CCNY: variants seen among roughly 807,000 people sequenced by gnomAD.
The protein encoded by CCNY is cyclin-Y.
A neutral mutation model predicts 42.8 loss-of-function variants in CCNY; 19 were observed. The ratio of observed to expected loss-of-function variants is 0.44; its 90% confidence interval spans 0.31 to 0.65. The LOEUF is 0.65. Among genes scored for constraint, CCNY ranks in the 30% least tolerant of loss-of-function variants. The pLI is 0.07. For missense variants in CCNY, 370 were observed against 437.3 expected (o/e 0.85, Z 1.37); for synonymous variants, 165 against 162.7 (o/e 1.01, Z -0.11).
At chr10:35,329,885 C>T (rs868364808) in intron 3 of CCNY, among the ~76,000 whole-genome samples, 4 of 152,128 alleles carry the variant, frequency 2.6e-5, no homozygotes, top group Admixed American at 6.6e-5. Context: ...GGGACAGGAC[C>T]GCCTGCTTCA....
intron 1 of CCNY, among the ~76,000 whole-genome samples, chr10:35,384,754 G>A (rs1837267399): frequency 6.6e-6 from 1 of 152,134 alleles, no homozygotes; most frequent in Non-Finnish European, 1.5e-5. Context: ...CAGGGACAAG[G>A]TGCCCCTGGG....
chr10:35,566,852 T>G (rs1841581909), intron 9 of CCNY, among the ~76,000 whole-genome samples: 1 of 151,558 alleles, frequency 6.6e-6, no homozygotes, highest in South Asian at 2.1e-4. Flanking sequence ...ACTACAGGTG[T>G]GCACCACCAC....
chr10:35,426,611 T>C (rs941697038), intron 1 of CCNY, among the ~76,000 whole-genome samples: 6 of 152,238 alleles, frequency 3.9e-5, no homozygotes, highest in Non-Finnish European at 8.8e-5. Flanking sequence ...TAGAATGTTA[T>C]TAAAATTGCT....
At chr10:35,386,157 A>G (rs1245136834) in intron 1 of CCNY, among the ~76,000 whole-genome samples, 1 of 152,222 alleles carries the variant, frequency 6.6e-6, no homozygotes, top group Non-Finnish European at 1.5e-5. Flanking sequence ...GGGGATGCTT[A>G]ACTTGGGGCC....
At chr10:35,385,802 G>A (rs1837289154) in intron 1 of CCNY, among the ~76,000 whole-genome samples, 1 of 152,150 alleles carries the variant, frequency 6.6e-6, no homozygotes, top group Non-Finnish European at 1.5e-5. Context: ...CCTCTTCCAC[G>A]AATGAGATAT....
chr10:35,477,229 T>TC lies in CCNY; in HGVS notation c.155-6173dup, dbSNP rs571257810. Among the ~76,000 whole-genome samples, 443 of 152,316 alleles carry TC rather than the reference T, an allele frequency of 2.9e-3. 2 individuals carry two copies. The highest frequency in any genetic ancestry group is 4.7e-3 in the Admixed American group (72 of 15,304). On this transcript the variant is annotated intron_variant, in intron 1 of 9. Transcript: ENST00000374704. Reference sequence around the variant, plus strand: ...AGGTACAAAGAGGAACTGGTACCTTTCCTTCTGAAACGATTCCAATCAATA... The same window carrying TC: ...AGGTACAAAGAGGAACTGGTACCTTTCCCTTCTGAAACGATTCCAATCAATA...
intron 3 of CCNY, among the ~76,000 whole-genome samples, chr10:35,503,393 C>T (rs995700125): frequency 1.2e-4 from 18 of 152,140 alleles, no homozygotes; most frequent in Admixed American, 4.6e-4. Flanking sequence ...TAACAAGCAG[C>T]GTGACCCTCT....
rs1463187998 is a variant in CCNY at position 35,530,237 on chromosome 10, C to T, written c.573C>T (p.Val191=). 6.2e-7 allele frequency: 1 copy of T among 1,614,198 alleles called. No individual in the cohort carries two copies. Among genetic ancestry groups the T allele is most frequent in the Non-Finnish European group, 8.5e-7 (1 of 1,180,024 alleles). ...AAQLTAECAI[V]TLVYLERLLT... is the part of the protein sequence containing the mutation. ...AGCTGACGGCTGAATGTGCCATCGT[C>T]ACCCTGGTGAGTGCCCTCAGGATGG... The change falls in exon 7 of 10, where the codon GTC becomes GTT. Residue 191 remains valine (V), a synonymous_variant. Transcript: ENST00000374704. This position sits in a 1 kb window ranked among gnomAD's most constrained non-coding sequence, Gnocchi z 4.3.
intron 3 of CCNY, among the ~76,000 whole-genome samples, chr10:35,277,822 T>C (rs993498638): frequency 6.6e-6 from 1 of 152,118 alleles, no homozygotes; most frequent in Admixed American, 6.5e-5. Flanking sequence ...CAGGGGGGAT[T>C]TCCTCAGAGA....
intron 1 of CCNY, among the ~76,000 whole-genome samples, chr10:35,383,769 G>A (rs1837243964): frequency 6.6e-6 from 1 of 152,066 alleles, no homozygotes; most frequent in African/African-American, 2.4e-5. Context: ...TAACATAATA[G>A]TCCTAGATGA....
chr10:35,496,773 C>T (rs914209173), intron 2 of CCNY, among the ~76,000 whole-genome samples: 1 of 152,168 alleles, frequency 6.6e-6, no homozygotes, highest in Admixed American at 6.5e-5. Context: ...GTTAACAAAT[C>T]CTCATTAATA....
chr10:35,259,503 T>G (rs934187168), intron 3 of CCNY, among the ~76,000 whole-genome samples: 4 of 131,808 alleles, frequency 3.0e-5, no homozygotes, highest in Admixed American at 7.6e-5. Flanking sequence ...TTGTTTTTTT[T>G]TTTTTTTTTT....
intron 1 of CCNY, among the ~76,000 whole-genome samples, chr10:35,454,218 C>T (rs771912919): frequency 2.6e-5 from 4 of 152,312 alleles, no homozygotes; most frequent in East Asian, 1.9e-4. Flanking sequence ...TGGTCAAGCT[C>T]GGACACAGTC....
intron 1 of CCNY, among the ~76,000 whole-genome samples, chr10:35,473,233 C>T (rs1453709240): frequency 2.0e-5 from 3 of 152,188 alleles, no homozygotes; most frequent in African/African-American, 4.8e-5. Flanking sequence ...CTGTCCCTCC[C>T]GGAGGCCGGC....
chr10:35,282,950 C>G (rs1029023565), intron 3 of CCNY, among the ~76,000 whole-genome samples: 2 of 152,056 alleles, frequency 1.3e-5, no homozygotes, highest in Admixed American at 6.6e-5. Context: ...TAATTACATG[C>G]TATAATGTGT....
At chr10:35,472,378 A>T (rs1255287257) in intron 1 of CCNY, among the ~76,000 whole-genome samples, 2 of 151,964 alleles carry the variant, frequency 1.3e-5, no homozygotes, top group Admixed American at 6.6e-5. Flanking sequence ...GATTCCGAGA[A>T]CTCCTGGAGA....
chr10:35,275,579 C>T (rs1283812272), intron 3 of CCNY, among the ~76,000 whole-genome samples: 2 of 151,666 alleles, frequency 1.3e-5, no homozygotes, highest in Non-Finnish European at 1.5e-5. Flanking sequence ...CCGGCTAACA[C>T]GGTGAAACCC....
intron 8 of CCNY, among the ~76,000 whole-genome samples, chr10:35,562,876 T>C (rs1841493871): frequency 8.2e-6 from 1 of 121,790 alleles, no homozygotes; most frequent in African/African-American, 3.8e-5. Context: ...AACAGCTCTT[T>C]TTAACATCAT....
chr10:35,426,111 GCACACACACACACACACACA>G (rs1055933724), intron 1 of CCNY, among the ~76,000 whole-genome samples: 3 of 80,466 alleles, frequency 3.7e-5, no homozygotes, highest in African/African-American at 1.6e-4. Context: ...TCCAGCACGC[GCACACACACACACACACACA>G]CACACACACA....
Sources: gnomAD v4.1 joint callset for allele counts (sites outside exome capture counted in the v4.1 genomes callset) on GRCh38, gnomAD v4.1.1 for gene constraint, Gnocchi (gnomAD v3.1) non-coding constraint, MANE v1.5 for transcripts, NCBI Gene and HGNC (gene_info 2026-07-23, HGNC 2026-07-21) for gene names.